Variants in CCDC27 observed in about 807,000 individuals in gnomAD.
The protein encoded by CCDC27 is coiled-coil domain containing 27, also known as coiled-coil domain-containing protein 27.
A neutral mutation model predicts 80.3 loss-of-function variants in CCDC27; 80 were observed. The observed-to-expected ratio is 1.00, with a 90% CI of 0.83 to 1.20. The LOEUF (loss-of-function observed/expected upper bound fraction) is 1.20. Among genes scored for constraint, CCDC27 ranks in the 50% most tolerant of loss-of-function variants. The probability of loss-of-function intolerance (pLI) is 0.00; values close to 1 mark genes in which losing one functional copy is unlikely to be tolerated. For synonymous variants in CCDC27, 342 were observed against 334.3 expected (o/e 1.02, Z -0.25); for missense variants, 815 against 809.4 (o/e 1.01, Z -0.08).
At chr1:3,759,778 AAG>A (rs529230224) in intron 4 of CCDC27, among the ~76,000 whole-genome samples, 57 of 152,224 alleles carry the variant, frequency 3.7e-4, no homozygotes, top group Non-Finnish European at 8.1e-4. Context: ...TCACTGCTTC[AAG>A]AGTGTTCCTA....
chr1:3,762,852 G>A, intron 6 of CCDC27, 140 bp downstream of exon 6: 1 of 865,880 alleles, frequency 1.2e-6, no homozygotes. Flanking sequence ...GGGAGCAGGT[G>A]AGGTGGGTGG....
At chr1:3,756,356 AAAG>A in intron 3 of CCDC27, 5 of 160,630 alleles carry the variant, frequency 3.1e-5, no homozygotes, top group South Asian at 1.7e-4. Flanking sequence ...AAAAAAAAAA[AAAG>A]AGAGATGGGA....
intron 5 of CCDC27, among the ~76,000 whole-genome samples, chr1:3,762,334 A>C (rs1181881): frequency 0.073 from 11,092 of 152,064 alleles, 1,315 homozygotes; most frequent in African/African-American, 0.25. Flanking sequence ...TGACATGCAC[A>C]GTGGGCGTGT....
rs145985450 is a variant in CCDC27 at position 3,769,010 on chromosome 1, G to A, written c.1744-773G>A. ...CGGCAGTGTGGACATGCTTCCACTC[G>A]GAGGCAAGGCTGAGCCTCTCGGGCC... On this transcript the variant is annotated intron_variant, in intron 10 of 11. Coordinates refer to ENST00000294600, the MANE Select transcript of CCDC27 (RefSeq NM_152492.3). The surrounding 1 kb of genome is among the most constrained non-coding windows in gnomAD (Gnocchi z 4.6). Among the ~76,000 whole-genome samples the A allele has an allele frequency of 5.3e-5, 8 of 152,320 alleles. No individual in the cohort carries two copies. In the East Asian group the frequency reaches 7.7e-4, roughly 15 times the overall value.
At chr1:3,753,928 G>A (rs550933952) in intron 1 of CCDC27, among the ~76,000 whole-genome samples, 190 bp from the exon 2 acceptor site, 1 of 152,214 alleles carries the variant, frequency 6.6e-6, no homozygotes, top group East Asian at 1.9e-4. Flanking sequence ...GGGTTGTTGT[G>A]GGCAGGTCTC....
rs1642848405 is a variant in CCDC27 at position 3,752,618 on chromosome 1, T to C, written c.137T>C (p.Leu46Ser). 1 of 1,614,232 alleles carries C rather than the reference T, an allele frequency of 6.2e-7. No individual in the cohort carries two copies. Among genetic ancestry groups the C allele is most frequent in the African/African-American group, 1.3e-5 (1 of 75,070 alleles). The part of the protein sequence containing the change: ...SLGLCIPRLM[L>S]PKEASPSQRH... Reference sequence around the variant, plus strand: ...GGTCTTTGCATCCCACGCCTCATGTTACCTAAGGAGGCCAGCCCATCTCAG... The same window carrying C: ...GGTCTTTGCATCCCACGCCTCATGTCACCTAAGGAGGCCAGCCCATCTCAG... Residue 46 changes from leucine to serine, a missense_variant, in exon 1 of 12, where the codon TTA (leucine) becomes TCA (serine). Coordinates refer to ENST00000294600, the MANE Select transcript of CCDC27 (RefSeq NM_152492.3).
In CCDC27 at chr1:3,763,071, G is replaced by T. The variant is rs1034585231; in HGVS notation, c.955-37G>T. On this transcript the variant is annotated intron_variant, in intron 6 of 11. Coordinates refer to ENST00000294600, the MANE Select transcript of CCDC27 (RefSeq NM_152492.3). This position sits in a 1 kb window ranked among gnomAD's most constrained non-coding sequence, Gnocchi z 7.5. ...GAGCCCTCTGCCCTGGGGGTGCCCC[G>T]CAGCCCTGCCCAGCCCCTGCCCTAC... The T allele has an allele frequency of 9.6e-6, 14 of 1,453,798 alleles. No individual in the cohort carries two copies. Among genetic ancestry groups the T allele is most frequent in the African/African-American group, 2.9e-5 (2 of 69,828 alleles). 90.1% of individuals were successfully genotyped at this position (1,453,798 alleles called of 1,614,324 possible).
chr1:3,762,606 C>T lies in CCDC27; in HGVS notation c.862-14C>T, dbSNP rs1199433501. The T allele has an allele frequency of 1.3e-5, 20 of 1,549,048 alleles. No homozygotes were observed. Among genetic ancestry groups the T allele is most frequent in the East Asian group, 2.4e-5 (1 of 40,912 alleles). Reference sequence around the variant, plus strand: ...AGGGGCTGGAAAGCTGAGGGTCCCACGGGCGTCTTGCAGGAGCAGCTCTCA... The same window carrying T: ...AGGGGCTGGAAAGCTGAGGGTCCCATGGGCGTCTTGCAGGAGCAGCTCTCA... On this transcript the variant is annotated splice_polypyrimidine_tract_variant and intron_variant, in intron 5 of 11. Coordinates refer to ENST00000294600, the MANE Select transcript of CCDC27 (RefSeq NM_152492.3).
Position 3,763,707 on chromosome 1 carries a change from A to G in CCDC27, c.1323A>G (p.Gly441=). ...ATRTRYSLAT[G]VIASLQQQVD... ...CACCGCCTCTGCCTCTGTGCCCAGG[A>G]GTGATTGCGTCTTTACAACAACAAG... is the stretch of plus-strand genomic sequence containing the variant. The change falls in exon 8 of 12, where the codon GGA becomes GGG. Residue 441 remains glycine, a splice_region_variant and synonymous_variant. Transcript: ENST00000294600. The surrounding 1 kb of genome is among the most constrained non-coding windows in gnomAD (Gnocchi z 7.5). The G allele has an allele frequency of 6.2e-7, 1 of 1,614,108 alleles. No individual in the cohort carries two copies.
In CCDC27 at chr1:3,763,078, T is replaced by TGCCCA. The variant is rs1388582973; in HGVS notation, c.955-25_955-21dup. 3 of 1,457,814 alleles carry TGCCCA rather than the reference T, an allele frequency of 2.1e-6. No individual in the cohort carries two copies. The allele number at this position is 1,457,814 out of a possible 1,614,324, so 90.3% of individuals were successfully genotyped here. A position where few individuals can be genotyped will look rare whatever the true frequency, so the allele number is the denominator to read the frequency against. On this transcript the variant is annotated intron_variant, in intron 6 of 11. Coordinates refer to ENST00000294600, the MANE Select transcript of CCDC27 (RefSeq NM_152492.3). This position sits in a 1 kb window ranked among gnomAD's most constrained non-coding sequence, Gnocchi z 7.5. ...CTGCCCTGGGGGTGCCCCGCAGCCCTGCCCAGCCCCTGCCCTACCCATCTT... is the reference window on the plus strand; with the variant it reads ...CTGCCCTGGGGGTGCCCCGCAGCCCTGCCCAGCCCAGCCCCTGCCCTACCCATCTT...
chr1:3,766,723 C>A lies in CCDC27; in HGVS notation c.1530+111C>A, dbSNP rs1643234798. On this transcript the variant is annotated intron_variant, in intron 9 of 11. Coordinates refer to ENST00000294600, the MANE Select transcript of CCDC27 (RefSeq NM_152492.3). The surrounding 1 kb of genome is among the most constrained non-coding windows in gnomAD (Gnocchi z 6.1). The stretch of plus-strand genomic sequence containing the variant: ...GAGCGTCTTCACAGCTGAGCCAGGA[C>A]CCCTTCGGTAGCATGCCACTCGACA... 1.3e-6 allele frequency: 1 copy of A among 794,084 alleles called. No individual in the cohort carries two copies. Among genetic ancestry groups the A allele is most frequent in the Non-Finnish European group, 2.0e-6 (1 of 488,444 alleles). The allele number at this position is 794,084 out of a possible 1,614,324, so 49.2% of individuals were successfully genotyped here. A position where few individuals can be genotyped will look rare whatever the true frequency, so the allele number is the denominator to read the frequency against.
intron 8 of CCDC27, among the ~76,000 whole-genome samples, chr1:3,765,420 T>G (rs569682880): frequency 1.8e-4 from 27 of 152,350 alleles, no homozygotes; most frequent in Non-Finnish European, 3.4e-4. Context: ...TATTGTTTTT[T>G]TATGGCCTTC....
chr1:3,757,546 A>G (rs1262328485), intron 4 of CCDC27, among the ~76,000 whole-genome samples: 3 of 151,812 alleles, frequency 2.0e-5, no homozygotes, highest in Non-Finnish European at 4.4e-5. Flanking sequence ...AGCTCAAGCA[A>G]TCCTCCCACT....
rs1375253453 is a variant in CCDC27 at position 3,763,939 on chromosome 1, T to C, written c.1452+103T>C. The C allele has an allele frequency of 1.3e-6, 2 of 1,483,122 alleles. No homozygotes were observed. 91.9% of individuals were successfully genotyped at this position (1,483,122 alleles called of 1,614,324 possible). On this transcript the variant is annotated intron_variant, in intron 8 of 11. Coordinates refer to ENST00000294600, the MANE Select transcript of CCDC27 (RefSeq NM_152492.3). The surrounding 1 kb of genome is among the most constrained non-coding windows in gnomAD (Gnocchi z 7.5). ...AGGCGCTGCCCGTCCCATCTACTGA[T>C]GGAGACTTTGAGCCTGGGGTGTCCA...
chr1:3,755,594 T>C, intron 3 of CCDC27, 27 bp downstream of exon 3: 8 of 1,564,580 alleles, frequency 5.1e-6, no homozygotes, highest in Non-Finnish European at 7.0e-6. Context: ...GGCCTCTGCC[T>C]GCACCTGCTG....
intron 8 of CCDC27, among the ~76,000 whole-genome samples, chr1:3,765,763 G>C (rs754646734): frequency 1.3e-5 from 2 of 152,148 alleles, no homozygotes; most frequent in Non-Finnish European, 2.9e-5. Context: ...TCCAATGTTC[G>C]AGTTGACTGG....
In CCDC27 at chr1:3,763,733, T is replaced by A; in HGVS notation, c.1349T>A (p.Val450Glu). Residue 450 changes from valine (V) to glutamate (E), a missense_variant, in exon 8 of 12, where the codon GTG (valine) becomes GAG (glutamate). Physicochemically the swap from Val to Glu is moderately radical, Grantham distance 121. Transcript: ENST00000294600. This position sits in a 1 kb window ranked among gnomAD's most constrained non-coding sequence, Gnocchi z 7.5. ...GTGATTGCGTCTTTACAACAACAAG[T>A]GGATTTCCAAGAAACCCAGCTGCGA... ...TGVIASLQQQ[V>E]DFQETQLRKI... is the part of the protein sequence containing the mutation. 4 of 1,614,050 alleles carry A rather than the reference T, an allele frequency of 2.5e-6. No homozygotes were observed. The highest frequency in any genetic ancestry group is 3.4e-6 in the Non-Finnish European group (4 of 1,179,970).
chr1:3,767,642 G>C (rs1365500501), intron 10 of CCDC27, among the ~76,000 whole-genome samples, 197 bp downstream of exon 10: 22 of 152,252 alleles, frequency 1.4e-4, no homozygotes, highest in Non-Finnish European at 1.5e-5. Flanking sequence ...GAGTGCAACA[G>C]AGTAGCCCGG....
At position 3,763,942 on chromosome 1, in the gene CCDC27, A is replaced by T; in HGVS notation, c.1452+106A>T. The T allele has an allele frequency of 6.8e-7, 1 of 1,477,416 alleles. No individual in the cohort carries two copies. Among genetic ancestry groups the T allele is most frequent in the Admixed American group, 2.3e-5 (1 of 43,316 alleles). 91.5% of individuals were successfully genotyped at this position (1,477,416 alleles called of 1,614,324 possible). A position where few individuals can be genotyped will look rare whatever the true frequency, so the allele number is the denominator to read the frequency against. ...CGCTGCCCGTCCCATCTACTGATGG[A>T]GACTTTGAGCCTGGGGTGTCCAGGC... On this transcript the variant is annotated intron_variant, in intron 8 of 11. Transcript: ENST00000294600. The surrounding 1 kb of genome is among the most constrained non-coding windows in gnomAD (Gnocchi z 7.5).
Sources: gnomAD v4.1 joint callset for allele counts (sites outside exome capture counted in the v4.1 genomes callset) on GRCh38, gnomAD v4.1.1 for gene constraint, Gnocchi (gnomAD v3.1) non-coding constraint, MANE v1.5 for transcripts, NCBI Gene and HGNC (gene_info 2026-07-23, HGNC 2026-07-21) for gene names.